Variants in KLF12 observed in about 807,000 individuals in gnomAD.
KLF12 encodes Krueppel-like factor 12.
In KLF12, 9 loss-of-function variants were observed where a neutral mutation model predicts 37.8. The ratio of observed to expected loss-of-function variants is 0.24; its 90% CI spans 0.14 to 0.42. The LOEUF (loss-of-function observed/expected upper bound fraction) is 0.42. Among genes scored for constraint, KLF12 ranks in the 10% least tolerant of loss-of-function variants. KLF12 has a pLI of 1.00. For synonymous variants in KLF12, 208 were observed against 202.1 expected (o/e 1.03, Z -0.25); for missense variants, 411 against 516.0 (o/e 0.80, Z 1.97).
At chr13:73,965,854 T>G (rs1390211196) in intron 2 of KLF12, among the ~76,000 whole-genome samples, 2 of 152,370 alleles carry the variant, frequency 1.3e-5, no homozygotes, top group South Asian at 2.1e-4. Context: ...CCAATGAGCT[T>G]TCTTTTCCAA....
the KLF12 span, among the ~76,000 whole-genome samples, chr13:74,237,500 G>A: frequency 7.0e-6 from 1 of 143,452 alleles, no homozygotes; most frequent in Admixed American, 6.7e-5. Flanking sequence ...TAGCTTGACG[G>A]GGATGGCATT....
At chr13:73,755,141 C>T (rs1332386223) in intron 6 of KLF12, among the ~76,000 whole-genome samples, 2 of 152,098 alleles carry the variant, frequency 1.3e-5, no homozygotes, top group Non-Finnish European at 2.9e-5. Flanking sequence ...TAGGTATACC[C>T]TTTTCTTTCT....
chr13:74,305,447 T>C, the KLF12 span, among the ~76,000 whole-genome samples: 2 of 152,068 alleles, frequency 1.3e-5, no homozygotes, highest in African/African-American at 4.8e-5. Flanking sequence ...TTTTTTCCCT[T>C]TTAAAATTGT....
At chr13:74,269,972 A>G in the KLF12 span, among the ~76,000 whole-genome samples, 1 of 152,318 alleles carries the variant, frequency 6.6e-6, no homozygotes, top group Non-Finnish European at 1.5e-5. Context: ...GGAGAGTTTC[A>G]GGGAAGTCTG....
chr13:74,287,658 A>G, the KLF12 span, among the ~76,000 whole-genome samples: 6 of 152,204 alleles, frequency 3.9e-5, no homozygotes, highest in Non-Finnish European at 7.3e-5. Flanking sequence ...TGAACAAAGC[A>G]AAGAGAAGCA....
At chr13:74,034,685 AT>A (rs1396122710) in intron 1 of KLF12, among the ~76,000 whole-genome samples, 1 of 152,192 alleles carries the variant, frequency 6.6e-6, no homozygotes, top group East Asian at 1.9e-4. Context: ...TATTACTCTG[AT>A]TCGGGTTTTA....
At chr13:73,855,857 T>C (rs763692041) in intron 3 of KLF12, among the ~76,000 whole-genome samples, 15 of 152,324 alleles carry the variant, frequency 9.8e-5, no homozygotes, top group Non-Finnish European at 1.5e-4. Flanking sequence ...TGAATTTAAT[T>C]GCATCTCAAC....
chr13:74,126,354 G>A (rs1271751581), intron 1 of KLF12, among the ~76,000 whole-genome samples: 1 of 152,110 alleles, frequency 6.6e-6, no homozygotes, highest in East Asian at 1.9e-4. Flanking sequence ...ATGTTTTAAA[G>A]GAGACTCATT....
chr13:74,004,230 G>T (rs1312478557), intron 1 of KLF12, among the ~76,000 whole-genome samples: 2 of 152,130 alleles, frequency 1.3e-5, no homozygotes. Flanking sequence ...GGGTGGAATG[G>T]TATCAAATTC....
At chr13:74,242,875 G>T in the KLF12 span, among the ~76,000 whole-genome samples, 3 of 152,148 alleles carry the variant, frequency 2.0e-5, no homozygotes, top group East Asian at 3.9e-4. Flanking sequence ...GGGCACTCGG[G>T]GAAGTTGCCT....
At chr13:73,913,061 C>T (rs1014151421) in intron 3 of KLF12, among the ~76,000 whole-genome samples, 3 of 152,164 alleles carry the variant, frequency 2.0e-5, no homozygotes, top group Non-Finnish European at 4.4e-5. Flanking sequence ...GCAGGGCACA[C>T]ATTTCTCCGA....
intron 6 of KLF12, among the ~76,000 whole-genome samples, chr13:73,731,372 T>G (rs1877040403): frequency 6.6e-6 from 1 of 151,758 alleles, no homozygotes; most frequent in Admixed American, 6.6e-5. Context: ...AAGTAATAAT[T>G]AAAAAAATAG....
At chr13:74,054,919 T>C (rs1244069216) in intron 1 of KLF12, among the ~76,000 whole-genome samples, 2 of 152,230 alleles carry the variant, frequency 1.3e-5, no homozygotes, top group African/African-American at 4.8e-5. Context: ...TAAAAGTTCA[T>C]TGTATTATAC....
At chr13:73,734,571 T>G (rs1877309561) in intron 6 of KLF12, among the ~76,000 whole-genome samples, 1 of 152,034 alleles carries the variant, frequency 6.6e-6, no homozygotes, top group South Asian at 2.1e-4. Context: ...TGGCAAAAGA[T>G]TCTTTGATAT....
At chr13:73,976,396 C>G (rs1361195677) in intron 2 of KLF12, among the ~76,000 whole-genome samples, 1 of 152,144 alleles carries the variant, frequency 6.6e-6, no homozygotes, top group African/African-American at 2.4e-5. Flanking sequence ...CATCCTCACA[C>G]TCTCTCTTTC....
the KLF12 span, among the ~76,000 whole-genome samples, chr13:74,277,924 C>T: frequency 7.2e-5 from 11 of 152,184 alleles, no homozygotes; most frequent in Admixed American, 6.6e-4. Context: ...TACCTTTCCA[C>T]ATGCTCCTAT....
In KLF12 at chr13:73,686,519, G is replaced by A. The variant is rs563612119; in HGVS notation, c.*8971C>T. 1.3e-5 allele frequency: 2 copies of A among 152,560 alleles called. No homozygotes were observed. Among genetic ancestry groups the A allele is most frequent in the East Asian group, 3.9e-4 (2 of 5,194 alleles). The allele number at this position is 152,560 out of a possible 1,614,324, so 9.5% of individuals were successfully genotyped here. A position where few individuals can be genotyped will look rare whatever the true frequency, so the allele number is the denominator to read the frequency against. ...GTATATAAATGCAGAGGAAACTATT[G>A]GGAAATTAGGTCTTTAGATAAACTG... On this transcript the variant is annotated 3_prime_UTR_variant, in exon 8 of 8. Transcript: ENST00000377669.
chr13:73,999,327 A>G (rs577336230), intron 1 of KLF12, among the ~76,000 whole-genome samples: 1 of 152,350 alleles, frequency 6.6e-6, no homozygotes, highest in South Asian at 2.1e-4. Flanking sequence ...AGGCCATCAT[A>G]GTAAAGATCT....
chr13:73,919,402 G>A (rs1014580024), intron 3 of KLF12, among the ~76,000 whole-genome samples: 15 of 152,156 alleles, frequency 9.9e-5, no homozygotes, highest in Admixed American at 7.2e-4. Context: ...AGACTGCACA[G>A]AGACAACCTG....
Sources: allele counts gnomAD v4.1 joint callset (sites outside exome capture counted in the v4.1 genomes callset), GRCh38; gene constraint gnomAD v4.1.1; transcripts MANE v1.5; gene names NCBI Gene and HGNC (gene_info 2026-07-23, HGNC 2026-07-21).